PLBD2: variants seen among roughly 807,000 people sequenced by gnomAD.
PLBD2 encodes the protein putative aminopeptidase PLBD2.
In PLBD2, 51 loss-of-function variants were observed where a neutral mutation model predicts 68.3. That is an observed-to-expected ratio of 0.75 (90% CI 0.60 to 0.94). The LOEUF is 0.94. Ranked by LOEUF, PLBD2 falls within the 40% of genes least tolerant of loss-of-function variation. The pLI, the probability that PLBD2 is intolerant of heterozygous loss-of-function variation, is 0.00. For missense variants in PLBD2, 729 were observed against 792.2 expected, an observed-to-expected ratio of 0.92 and a Z score of 0.96; for synonymous variants, 314 against 339.3, an observed-to-expected ratio of 0.93 and a Z score of 0.82.
intron 5 of PLBD2, among the ~76,000 whole-genome samples, chr12:113,378,683 CT>C (rs767651572): frequency 0.027 from 3,786 of 140,722 alleles, 119 homozygotes; most frequent in East Asian, 0.12. Flanking sequence ...TTTTCCTTTC[CT>C]TTTTTTTTTT....
At position 113,372,886 on chromosome 12, in the gene PLBD2, T is replaced by A; in HGVS notation, c.543+79T>A. The A allele has an allele frequency of 6.6e-7, 1 of 1,516,944 alleles. No homozygotes were observed. Among genetic ancestry groups the A allele is most frequent in the Admixed American group, 1.8e-5 (1 of 54,334 alleles). The allele number at this position is 1,516,944 out of a possible 1,614,324, so 94.0% of individuals were successfully genotyped here. On this transcript the variant is annotated intron_variant, in intron 3 of 11. Transcript: ENST00000280800. The surrounding 1 kb of genome is among the most constrained non-coding windows in gnomAD (Gnocchi z 4.2). ...CTGTCTCCTGTTGTTCTGGCCAGCCTTGTGGCATGTCCAGCTGCCCAGCCG... is the reference window on the plus strand; with the variant it reads ...CTGTCTCCTGTTGTTCTGGCCAGCCATGTGGCATGTCCAGCTGCCCAGCCG...
At chr12:113,367,321 G>A (rs546850777) in intron 1 of PLBD2, among the ~76,000 whole-genome samples, 1 of 152,296 alleles carries the variant, frequency 6.6e-6, no homozygotes, top group South Asian at 2.1e-4. Flanking sequence ...TATCACCTTG[G>A]TAAAGATGAA....
chr12:113,373,136 T>C (rs989852117), intron 3 of PLBD2, among the ~76,000 whole-genome samples: 18 of 152,076 alleles, frequency 1.2e-4, no homozygotes, highest in African/African-American at 3.6e-4. Context: ...ATTGATTACA[T>C]TGGATGCAAG....
chr12:113,368,906 T>C (rs1049847007), intron 1 of PLBD2, among the ~76,000 whole-genome samples: 3 of 152,214 alleles, frequency 2.0e-5, no homozygotes, highest in African/African-American at 4.8e-5. Context: ...TGTTTGTCAA[T>C]ATCTATGAAA....
intron 5 of PLBD2, among the ~76,000 whole-genome samples, chr12:113,378,624 A>G (rs1957455033): frequency 6.7e-6 from 1 of 150,126 alleles, no homozygotes; most frequent in Admixed American, 6.6e-5. Context: ...AGCCTCCCAA[A>G]GCACTGGGAT....
chr12:113,379,966 A>G (rs569287254), intron 5 of PLBD2, among the ~76,000 whole-genome samples: 2 of 152,314 alleles, frequency 1.3e-5, no homozygotes, highest in South Asian at 2.1e-4. Context: ...GTGGAAGCTC[A>G]GGTCTCTTCT....
chr12:113,382,451 T>C (rs1655708680), intron 6 of PLBD2, among the ~76,000 whole-genome samples: 1 of 152,088 alleles, frequency 6.6e-6, no homozygotes, highest in South Asian at 2.1e-4. Context: ...TTCAGGATTT[T>C]TTTTTTTCAG....
chr12:113,381,354 T>G (rs1957488524), intron 6 of PLBD2, among the ~76,000 whole-genome samples: 2 of 152,062 alleles, frequency 1.3e-5, no homozygotes, highest in Non-Finnish European at 2.9e-5. Flanking sequence ...TACAGTGTGT[T>G]GTTTTCATCT....
In PLBD2 at chr12:113,384,620, C is replaced by G. The variant is rs549227990; in HGVS notation, c.1119-231C>G. On this transcript the variant is annotated intron_variant, in intron 7 of 11. Transcript: ENST00000280800. This position sits in a 1 kb window ranked among gnomAD's most constrained non-coding sequence, Gnocchi z 4.2. ...GCAGTGCAGATCTTACAGCATCCGG[C>G]AGAGGAGCTGACCTAGGGAGCCACA... 3.9e-5 allele frequency among the ~76,000 whole-genome samples: 6 copies of G among 152,232 alleles called. No homozygotes were observed. Among genetic ancestry groups the G allele is most frequent in the African/African-American group, 1.4e-4 (6 of 41,558 alleles).
In PLBD2 at chr12:113,390,153, A is replaced by G. The variant is rs1957595821; in HGVS notation, c.*1527A>G. On this transcript the variant is annotated 3_prime_UTR_variant, in exon 12 of 12. Transcript: ENST00000280800. The stretch of plus-strand genomic sequence containing the variant: ...AGCATGGCTTACGAAGTTCTTATCT[A>G]TCTATCACCCATCCACCCACCCATT... 6.6e-6 allele frequency: 1 copy of G among 151,542 alleles called. No individual in the cohort carries two copies. Among genetic ancestry groups the G allele is most frequent in the South Asian group, 2.1e-4 (1 of 4,794 alleles). 9.4% of individuals were successfully genotyped at this position (151,542 alleles called of 1,614,324 possible).
At chr12:113,383,499 A>T (rs566642813) in intron 6 of PLBD2, among the ~76,000 whole-genome samples, 52 of 152,074 alleles carry the variant, frequency 3.4e-4, no homozygotes, top group African/African-American at 1.2e-3. Context: ...CAGTGGCATG[A>T]TCTGGGCTCA....
rs1384738760 is a variant in PLBD2, at chr12:113,388,756, TCTC to T, written c.*136_*138del. The stretch of plus-strand genomic sequence containing the variant: ...GTTCTCTGATCTGGGGTCTGAGTCA[TCTC>T]CTCCTAGAGTGGGTCACGAACCTGA... On this transcript the variant is annotated 3_prime_UTR_variant, in exon 12 of 12. Transcript: ENST00000280800. The T allele has an allele frequency of 2.9e-6, 3 of 1,047,666 alleles. No individual in the cohort carries two copies. The highest frequency in any genetic ancestry group is 4.0e-6 in the Non-Finnish European group (3 of 754,924). 64.9% of individuals were successfully genotyped at this position (1,047,666 alleles called of 1,614,324 possible). A position where few individuals can be genotyped will look rare whatever the true frequency, so the allele number is the denominator to read the frequency against.
intron 5 of PLBD2, among the ~76,000 whole-genome samples, chr12:113,378,653 C>T (rs902599763): frequency 1.0e-4 from 15 of 150,088 alleles, no homozygotes; most frequent in South Asian, 2.1e-4. Context: ...TGAGCCTCTG[C>T]GCTGGGTCCC....
chr12:113,387,022 C>T lies in PLBD2; in HGVS notation c.1372C>T (p.Arg458Trp), dbSNP rs756092775. Residue 458 changes from arginine to tryptophan, a missense_variant, in exon 10 of 12, where the codon CGG (arginine) becomes TGG (tryptophan). By Grantham distance (101) the Arg-to-Trp change is moderately radical (BLOSUM62 -3). Coordinates refer to ENST00000280800, the MANE Select transcript of PLBD2 (RefSeq NM_173542.4). ...CTGGTTTTCTTATGACGGGAGCCCC[C>T]GGGCCCAGATCTTCCGGCGGAACCA... ...GDWFSYDGSP[R>W]AQIFRRNQSL... 30 of 1,611,764 alleles carry T rather than the reference C, an allele frequency of 1.9e-5. No homozygotes were observed. Among genetic ancestry groups the T allele is most frequent in the Admixed American group, 3.4e-5 (2 of 59,590 alleles).
rs1180432539 is a variant in PLBD2 at position 113,387,860 on chromosome 12, C to A, written c.1556C>A (p.Pro519His). The A allele has an allele frequency of 2.5e-6, 4 of 1,614,110 alleles. No individual in the cohort carries two copies. In the Admixed American group the frequency reaches 6.7e-5, roughly 27 times the overall value. Residue 519 changes from proline to histidine, a missense_variant, in exon 11 of 12, where the codon CCC becomes CAC. Physicochemically the swap from Pro to His is moderately conservative, Grantham distance 77 (BLOSUM62 -2). Transcript: ENST00000280800. Reference sequence around the variant, plus strand: ...CTCAACCCGGCCAATGGCTCCTACCCCTTCCAGGCCCTGCGTCAGCGCTCC... The same window carrying A: ...CTCAACCCGGCCAATGGCTCCTACCACTTCCAGGCCCTGCGTCAGCGCTCC... ...SDLNPANGSY[P>H]FQALRQRSHG...
intron 4 of PLBD2, 24 bp from the exon 5 acceptor site, chr12:113,374,769 C>G (rs1338703120): frequency 3.1e-6 from 5 of 1,612,898 alleles, no homozygotes; most frequent in Non-Finnish European, 4.2e-6. Context: ...CGTGGTAACC[C>G]TCTGATGCCC....
At chr12:113,377,060 G>A (rs1485857163) in intron 5 of PLBD2, 1 of 152,148 alleles carries the variant, frequency 6.6e-6, no homozygotes, top group African/African-American at 2.4e-5. Context: ...GAATCCAGCT[G>A]GCATCTAATA....
At chr12:113,382,692 C>A (rs1396180012) in intron 6 of PLBD2, among the ~76,000 whole-genome samples, 1 of 151,918 alleles carries the variant, frequency 6.6e-6, no homozygotes, top group Non-Finnish European at 1.5e-5. Flanking sequence ...ATCTGACCCC[C>A]TTGGCCTCCC....
chr12:113,370,447 C>T (rs1250788307), intron 2 of PLBD2, among the ~76,000 whole-genome samples: 2 of 149,656 alleles, frequency 1.3e-5, no homozygotes, highest in South Asian at 4.3e-4. Context: ...TCAGATAGTA[C>T]CTAGTGTAAT....
Sources: allele counts gnomAD v4.1 joint callset (sites outside exome capture counted in the v4.1 genomes callset), GRCh38; gene constraint gnomAD v4.1.1; non-coding constraint Gnocchi (gnomAD v3.1); transcripts MANE v1.5; gene names NCBI Gene and HGNC (gene_info 2026-07-23, HGNC 2026-07-21).